Variants in PLXNA4 observed in about 807,000 individuals in gnomAD.
The protein encoded by PLXNA4 is plexin A4.
A neutral mutation model predicts 191.8 loss-of-function variants in PLXNA4; 44 were observed. The observed-to-expected ratio is 0.23, with a 90% CI of 0.18 to 0.29. PLXNA4 has a LOEUF of 0.29. PLXNA4 is among the 10% of genes least tolerant of loss of function. The pLI is 1.00. For missense variants in PLXNA4, 1,800 were observed against 2,488.8 expected (o/e 0.72, Z 5.89); for synonymous variants, 1,082 against 1,009.5 (o/e 1.07, Z -1.36).
chr7:132,132,466 TGC>T (rs1563048325), intron 31 of PLXNA4, among the ~76,000 whole-genome samples: 519 of 41,080 alleles, frequency 0.013, 21 homozygotes, highest in Middle Eastern at 0.02. Flanking sequence ...TGTTCTGTTC[TGC>T]TCTGCTCTGC....
At chr7:132,341,541 C>T (rs1239331535) in intron 3 of PLXNA4, among the ~76,000 whole-genome samples, 1 of 152,214 alleles carries the variant, frequency 6.6e-6, no homozygotes, top group Non-Finnish European at 1.5e-5. Flanking sequence ...ATCCTGCCTT[C>T]CTGCATGGAC....
chr7:132,503,168 T>TG (rs1798324873), intron 2 of PLXNA4, among the ~76,000 whole-genome samples: 1 of 152,058 alleles, frequency 6.6e-6, no homozygotes, highest in African/African-American at 2.4e-5. Flanking sequence ...CCACAGCCAT[T>TG]GTTCCCATCA....
intron 24 of PLXNA4, among the ~76,000 whole-genome samples, chr7:132,163,623 C>T (rs1204329968): frequency 6.6e-6 from 1 of 152,144 alleles, no homozygotes; most frequent in Non-Finnish European, 1.5e-5. Flanking sequence ...GGAGGGGATC[C>T]CCACGTTCCT....
At chr7:132,377,422 G>GAAAAAA (rs10596289) in intron 3 of PLXNA4, among the ~76,000 whole-genome samples, 95 of 86,078 alleles carry the variant, frequency 1.1e-3, no homozygotes, top group Middle Eastern at 0.012. Flanking sequence ...AAATGAAAAA[G>GAAAAAA]AAAAAAAAAA....
At chr7:132,213,855 A>C (rs572790979) in intron 9 of PLXNA4, among the ~76,000 whole-genome samples, 64 of 152,322 alleles carry the variant, frequency 4.2e-4, no homozygotes, top group Non-Finnish European at 5.6e-4. Context: ...AGTGAGAGCC[A>C]GGAGGCCCTG....
At chr7:132,596,320 G>A (rs1426495) in intron 2 of PLXNA4, among the ~76,000 whole-genome samples, 108,223 of 152,060 alleles carry the variant, frequency 0.71, 40,198 homozygotes, top group South Asian at 0.88. Context: ...AGGGCTGGAT[G>A]TTCCTGTTCC....
At position 132,365,374 on chromosome 7, in the gene PLXNA4, T is replaced by TGCGTGCGCGCGCGCGCGCGC. The variant is rs1563059027; in HGVS notation, c.1372-67153_1372-67152insGCGCGCGCGCGCGCGCACGC. ...GTGTGTGTGTGTGCGTGCGCGCGCA[T>TGCGTGCGCGCGCGCGCGCGC]GCATGGGGCAAGAGTGTGATGGTGA... On this transcript the variant is annotated intron_variant, in intron 3 of 31. Transcript: ENST00000321063. Among the ~76,000 whole-genome samples, 11 of 115,396 alleles carry TGCGTGCGCGCGCGCGCGCGC rather than the reference T, an allele frequency of 9.5e-5. No individual in the cohort carries two copies. The South Asian group carries it at 3.9e-3, about 41-fold the overall frequency. 75.7% of individuals were successfully genotyped at this position (115,396 alleles called of 152,430 possible). A position where few individuals can be genotyped will look rare whatever the true frequency, so the allele number is the denominator to read the frequency against.
chr7:132,627,323 ACACT>A (rs1240785155), intron 2 of PLXNA4, among the ~76,000 whole-genome samples: 1 of 152,120 alleles, frequency 6.6e-6, no homozygotes, highest in Non-Finnish European at 1.5e-5. Context: ...TTACACACAC[ACACT>A]TTTCCTGTCT....
intron 3 of PLXNA4, among the ~76,000 whole-genome samples, chr7:132,356,628 C>T (rs781521797): frequency 7.3e-4 from 111 of 152,188 alleles, no homozygotes; most frequent in Non-Finnish European, 1.3e-3. Flanking sequence ...AGTAAGGCTA[C>T]GGCAGGAGTA....
chr7:132,293,700 GT>G (rs1380241096), intron 4 of PLXNA4, among the ~76,000 whole-genome samples: 5 of 152,206 alleles, frequency 3.3e-5, no homozygotes, highest in African/African-American at 1.2e-4. Context: ...TCTACCACCA[GT>G]TTTTTTACAC....
intron 3 of PLXNA4, among the ~76,000 whole-genome samples, chr7:132,341,305 A>G (rs561538007): frequency 2.6e-5 from 4 of 152,184 alleles, no homozygotes; most frequent in Non-Finnish European, 5.9e-5. Flanking sequence ...AATCTAAGGC[A>G]CCAATTGTAC....
At chr7:132,446,168 T>A (rs532535693) in intron 3 of PLXNA4, among the ~76,000 whole-genome samples, 23 of 152,334 alleles carry the variant, frequency 1.5e-4, no homozygotes, top group African/African-American at 5.5e-4. Flanking sequence ...CCCTTTACCG[T>A]TGTTGATGGT....
intron 2 of PLXNA4, among the ~76,000 whole-genome samples, chr7:132,626,605 G>A (rs952523821): frequency 1.2e-4 from 18 of 152,174 alleles, no homozygotes; most frequent in African/African-American, 4.1e-4. Flanking sequence ...CATGTAATGT[G>A]CCTGCTTCCA....
intron 1 of PLXNA4, among the ~76,000 whole-genome samples, chr7:132,548,724 G>A (rs186063998): frequency 6.6e-6 from 1 of 152,270 alleles, no homozygotes; most frequent in Non-Finnish European, 1.5e-5. Flanking sequence ...GTAAAATGAG[G>A]CTGAGTCCTA....
chr7:132,175,889 TTAAAAAATATTTCTTTCTATTTACA>T (rs573110260), intron 20 of PLXNA4, among the ~76,000 whole-genome samples: 622 of 152,334 alleles, frequency 4.1e-3, no homozygotes, highest in Admixed American at 7.4e-3. Context: ...GCATTAACTA[TTAAAAAATATTTCTTTCTATTTACA>T]TAATCTCAAA....
At chr7:132,310,605 T>C (rs1395015709) in intron 3 of PLXNA4, among the ~76,000 whole-genome samples, 1 of 152,194 alleles carries the variant, frequency 6.6e-6, no homozygotes. Flanking sequence ...GCCAGCCCTA[T>C]ATGGCTCCCA....
At chr7:132,521,664 C>G (rs1380845377) in intron 1 of PLXNA4, among the ~76,000 whole-genome samples, 1 of 152,200 alleles carries the variant, frequency 6.6e-6, no homozygotes, top group African/African-American at 2.4e-5. Flanking sequence ...CCAGCAACAC[C>G]TGGGCAAGGA....
chr7:132,564,237 CCTCCTCCTCCTTCTGCTT>C (rs1801601182), intron 1 of PLXNA4, among the ~76,000 whole-genome samples: 1 of 136,508 alleles, frequency 7.3e-6, no homozygotes, highest in Non-Finnish European at 1.6e-5. Context: ...TCCTCCTCTT[CCTCCTCCTCCTTCTGCTT>C]CTCCTCCTCC....
chr7:132,632,368 G>A (rs1275338024), intron 2 of PLXNA4, among the ~76,000 whole-genome samples: 1 of 152,018 alleles, frequency 6.6e-6, no homozygotes, highest in Non-Finnish European at 1.5e-5. Context: ...TAATAATAGA[G>A]GATACACATT....
Sources: gnomAD v4.1 joint callset for allele counts (sites outside exome capture counted in the v4.1 genomes callset) on GRCh38, gnomAD v4.1.1 for gene constraint, MANE v1.5 for transcripts, NCBI Gene and HGNC (gene_info 2026-07-23, HGNC 2026-07-21) for gene names.